AKT3: variants seen among roughly 807,000 people sequenced by gnomAD.
AKT3 encodes the protein RAC-gamma serine/threonine-protein kinase.
A neutral mutation model predicts 65.3 loss-of-function variants in AKT3; 15 were observed. The ratio of observed to expected loss-of-function variants is 0.23; its 90% CI spans 0.15 to 0.35. AKT3 has a LOEUF of 0.35. Ranked by LOEUF, AKT3 falls within the 10% of genes least tolerant of loss-of-function variation. The probability of loss-of-function intolerance (pLI) is 1.00; values close to 1 mark genes in which losing one functional copy is unlikely to be tolerated. For missense variants in AKT3, 243 were observed against 576.5 expected (o/e 0.42, Z 5.92); for synonymous variants, 206 against 183.8 (o/e 1.12, Z -0.98).
chr1:243,611,021 G>A (rs1352650383), intron 8 of AKT3, among the ~76,000 whole-genome samples: 3 of 152,158 alleles, frequency 2.0e-5, no homozygotes, highest in Non-Finnish European at 2.9e-5. Context: ...GCATCTGTAC[G>A]TCTGTAGGAT....
At chr1:243,705,036 C>A (rs771698083) in intron 2 of AKT3, among the ~76,000 whole-genome samples, 6 of 152,104 alleles carry the variant, frequency 3.9e-5, no homozygotes, top group Non-Finnish European at 5.9e-5. Flanking sequence ...AAAGGCTTTC[C>A]AGATGTACCC....
intron 2 of AKT3, among the ~76,000 whole-genome samples, chr1:243,808,814 C>A (rs532315522): frequency 1.3e-3 from 203 of 152,328 alleles, no homozygotes; most frequent in Non-Finnish European, 2.5e-3. Context: ...GGAAGCCCAT[C>A]AGACTAACAG....
At chr1:243,686,275 T>C (rs141009218) in intron 3 of AKT3, among the ~76,000 whole-genome samples, 1 of 152,240 alleles carries the variant, frequency 6.6e-6, no homozygotes, top group East Asian at 1.9e-4. Context: ...AGTGATGTCT[T>C]CTTTTTTGGC....
intron 2 of AKT3, among the ~76,000 whole-genome samples, chr1:243,773,979 T>TG (rs1368800768): frequency 6.6e-6 from 1 of 152,180 alleles, no homozygotes; most frequent in Non-Finnish European, 1.5e-5. Context: ...CTACAGGTCT[T>TG]GGAGATCTCT....
At chr1:243,615,888 T>C (rs1678264707) in intron 6 of AKT3, among the ~76,000 whole-genome samples, 2 of 151,936 alleles carry the variant, frequency 1.3e-5, no homozygotes, top group South Asian at 4.2e-4. Flanking sequence ...TGAGGCACCA[T>C]GCCCAGCCTT....
rs541633114 is a variant in AKT3, at chr1:243,834,711, A to C, written c.46+8414T>G. On this transcript the variant is annotated intron_variant, in intron 2 of 13. Transcript: ENST00000673466. ...CAATTTACCCATATAACATCTAACC[A>C]ATAATGTATTCTGGAAACTAAAAGT... is the stretch of plus-strand genomic sequence containing the variant. Among the ~76,000 whole-genome samples the C allele has an allele frequency of 1.4e-3, 210 of 152,184 alleles. 1 individual carries two copies. Among genetic ancestry groups the C allele is most frequent in the African/African-American group, 4.8e-3 (198 of 41,494 alleles).
In AKT3 at chr1:243,499,753, C is replaced by A; in HGVS notation, c.*5496G>T. 6.2e-7 allele frequency: 1 copy of A among 1,610,444 alleles called. No individual in the cohort carries two copies. Among genetic ancestry groups the A allele is most frequent in the East Asian group, 2.2e-5 (1 of 44,866 alleles). On this transcript the variant is annotated 3_prime_UTR_variant, in exon 14 of 14. Transcript: ENST00000673466. ...GAAACTTACTTTTTATTATTTTTTCCAGTTACCCAGCATGCCACAATCTGA... is the reference window on the plus strand; with the variant it reads ...GAAACTTACTTTTTATTATTTTTTCAAGTTACCCAGCATGCCACAATCTGA...
chr1:243,531,142 G>C (rs560061693), intron 12 of AKT3, among the ~76,000 whole-genome samples: 3 of 152,118 alleles, frequency 2.0e-5, no homozygotes, highest in African/African-American at 7.2e-5. Context: ...CAAGCTTGGA[G>C]AGCAGTAGTG....
At chr1:243,792,402 TCCA>T (rs1286076295) in intron 2 of AKT3, among the ~76,000 whole-genome samples, 1 of 152,192 alleles carries the variant, frequency 6.6e-6, no homozygotes, top group Non-Finnish European at 1.5e-5. Context: ...TCCCAGAGCT[TCCA>T]GTTTTGCTGA....
At chr1:243,617,792 G>T (rs1025467314) in intron 6 of AKT3, among the ~76,000 whole-genome samples, 2 of 151,956 alleles carry the variant, frequency 1.3e-5, no homozygotes, top group African/African-American at 4.8e-5. Flanking sequence ...GAGAAGTGAG[G>T]ATGGCTTGGA....
intron 5 of AKT3, among the ~76,000 whole-genome samples, chr1:243,640,185 T>C (rs1680266825): frequency 6.6e-6 from 1 of 152,184 alleles, no homozygotes; most frequent in Non-Finnish European, 1.5e-5. Flanking sequence ...AAATCAAACA[T>C]GTAGCTCTAA....
chr1:243,763,126 C>T (rs956967254), intron 2 of AKT3, among the ~76,000 whole-genome samples: 6 of 151,988 alleles, frequency 3.9e-5, no homozygotes, highest in African/African-American at 1.2e-4. Context: ...ATTTCTAAAT[C>T]ATCATTTTAT....
At chr1:243,551,775 T>C (rs1001113158) in intron 11 of AKT3, among the ~76,000 whole-genome samples, 4 of 152,134 alleles carry the variant, frequency 2.6e-5, no homozygotes, top group Non-Finnish European at 5.9e-5. Context: ...AACATTTTAA[T>C]ATTAATAGTC....
At chr1:243,700,931 A>G (rs2148042999) in intron 2 of AKT3, among the ~76,000 whole-genome samples, 1 of 152,314 alleles carries the variant, frequency 6.6e-6, no homozygotes, top group African/African-American at 2.4e-5. Flanking sequence ...ATACTCTCAA[A>G]CCAGAGCTCA....
intron 6 of AKT3, among the ~76,000 whole-genome samples, chr1:243,621,305 G>C (rs1407318769): frequency 6.6e-6 from 1 of 152,140 alleles, no homozygotes; most frequent in African/African-American, 2.4e-5. Flanking sequence ...AGCCATAAAC[G>C]TAACATTTAA....
chr1:243,839,807 C>A (rs1288714767), intron 2 of AKT3, among the ~76,000 whole-genome samples: 1 of 148,592 alleles, frequency 6.7e-6, no homozygotes, highest in African/African-American at 2.5e-5. Flanking sequence ...TATATTATAA[C>A]TTTATTATAT....
chr1:243,642,968 G>A (rs1402985326), intron 5 of AKT3, among the ~76,000 whole-genome samples: 1 of 152,178 alleles, frequency 6.6e-6, no homozygotes, highest in Non-Finnish European at 1.5e-5. Context: ...GCAAAACCAA[G>A]TAAGTAGAAA....
intron 4 of AKT3, among the ~76,000 whole-genome samples, chr1:243,662,647 G>T (rs892753598): frequency 6.6e-6 from 1 of 151,574 alleles, no homozygotes; most frequent in Non-Finnish European, 1.5e-5. Context: ...CATGGCACAT[G>T]TATACATATG....
intron 8 of AKT3, among the ~76,000 whole-genome samples, chr1:243,585,487 AC>A (rs1239561294): frequency 6.6e-6 from 1 of 152,154 alleles, no homozygotes; most frequent in African/African-American, 2.4e-5. Flanking sequence ...CTGCCTTCGA[AC>A]CATACTATAA....
Sources: allele counts gnomAD v4.1 joint callset (sites outside exome capture counted in the v4.1 genomes callset), GRCh38; gene constraint gnomAD v4.1.1; transcripts MANE v1.5; gene names NCBI Gene and HGNC (gene_info 2026-07-23, HGNC 2026-07-21).